Variants in IDUA observed in about 807,000 individuals in gnomAD.
The protein encoded by IDUA is iduronidase alpha-L-.
A neutral mutation model predicts 68.9 loss-of-function variants in IDUA; 65 were observed. The ratio of observed to expected loss-of-function variants is 0.94; its 90% confidence interval spans 0.77 to 1.16. The LOEUF (loss-of-function observed/expected upper bound fraction) is 1.16, where lower values mean the gene tolerates loss of function less well. Ranked by LOEUF, IDUA falls within the 50% of genes most tolerant of loss-of-function variation. The pLI, the probability that IDUA is intolerant of heterozygous loss-of-function variation, is 0.00. For missense variants in IDUA, 1,046 were observed against 938.0 expected (o/e 1.12, Z -1.50); for synonymous variants, 529 against 433.6 (o/e 1.22, Z -2.73).
At chr4:1,003,189 G>A in intron 10 of IDUA, 32 bp downstream of exon 10, 1 of 1,310,938 alleles carries the variant, frequency 7.6e-7, no homozygotes, top group South Asian at 2.1e-5. Context: ...GAGGGGCCGG[G>A]CCGGGCCGGG....
chr4:991,404 G>A (rs752252231), intron 2 of IDUA: 4 of 1,612,862 alleles, frequency 2.5e-6, no homozygotes, highest in Non-Finnish European at 3.4e-6. Context: ...TATAGAGGCT[G>A]TAGATGGGCT....
rs1715156141 is a variant in IDUA, at chr4:1,002,491, C to A, written c.1189+6C>A. The A allele has an allele frequency of 6.5e-7, 1 of 1,527,802 alleles. No homozygotes were observed. The allele number at this position is 1,527,802 out of a possible 1,614,324, so 94.6% of individuals were successfully genotyped here. On this transcript the variant is annotated splice_donor_region_variant and intron_variant, in intron 8 of 13. Coordinates refer to ENST00000514224, the MANE Select transcript of IDUA (RefSeq NM_000203.5). ...GGGGCTGCTGGCGCTGCTGGGTGAG[C>A]CGGGGCCGCTGGGGTGGGCCGGCCA...
At chr4:989,654 C>G (rs1215959134) in intron 2 of IDUA, 1 of 1,576,672 alleles carries the variant, frequency 6.3e-7, no homozygotes, top group Non-Finnish European at 8.6e-7. Flanking sequence ...GGTGCCAGCG[C>G]CAGCAGCACC....
In IDUA at chr4:1,003,637, G is replaced by A. The variant is rs367982520; in HGVS notation, c.1727+12G>A. On this transcript the variant is annotated intron_variant, in intron 12 of 13. Coordinates refer to ENST00000514224, the MANE Select transcript of IDUA (RefSeq NM_000203.5). ...CACGTGGGCTCCAAGTGCGTGAGTG[G>A]GGCCGCCCCTCCCTCTGCCTGGTCC... The A allele has an allele frequency of 4.3e-6, 7 of 1,612,106 alleles. No homozygotes were observed. The highest frequency in any genetic ancestry group is 1.3e-5 in the African/African-American group (1 of 74,912).
intron 1 of IDUA, 95 bp from the exon 2 acceptor site, chr4:987,714 C>T (rs968950760): frequency 2.5e-6 from 4 of 1,574,220 alleles, no homozygotes; most frequent in Admixed American, 1.8e-5. Context: ...CGCCTGGATC[C>T]TGCGCCCGGG....
intron 9 of IDUA, 22 bp from the exon 10 acceptor site, chr4:1,003,014 G>T (rs373823790): frequency 2.5e-4 from 360 of 1,460,274 alleles, no homozygotes; most frequent in Non-Finnish European, 3.1e-4. Context: ...GGGAGCCGAG[G>T]CCTGAGTGTC....
intron 2 of IDUA, chr4:990,368 G>C: frequency 6.3e-7 from 1 of 1,587,720 alleles, no homozygotes; most frequent in Non-Finnish European, 8.6e-7. Flanking sequence ...AGGACCTGTG[G>C]ACGGAGTGCG....
At chr4:987,041 G>C (rs1423083496), upstream of IDUA, 13 of 1,410,370 alleles carry the variant, frequency 9.2e-6, no homozygotes, top group Admixed American at 1.5e-4. Context: ...AGGCGGAACC[G>C]GCAGTGCAGC....
At chr4:998,971 A>G (rs551837586) in intron 2 of IDUA, among the ~76,000 whole-genome samples, 7 of 152,168 alleles carry the variant, frequency 4.6e-5, no homozygotes, top group East Asian at 3.9e-4. Flanking sequence ...TCTGGAAGCC[A>G]AGGTGGGCGG....
At chr4:998,745 C>T (rs779923763) in intron 2 of IDUA, among the ~76,000 whole-genome samples, 63 of 152,104 alleles carry the variant, frequency 4.1e-4, no homozygotes, top group Non-Finnish European at 7.6e-4. Context: ...GCCTAGCTGC[C>T]CAAGCTGAAA....
rs765763734 is a variant in IDUA at position 987,864 on chromosome 4, C to T, written c.214C>T (p.Leu72Phe). The change falls in exon 2 of 14, where the codon CTC becomes TTC. Residue 72 changes from leucine to phenylalanine, a missense_variant. Transcript: ENST00000514224. ...DQYVLSWDQQ[L>F]NLAYVGAVPH... is the part of the protein sequence containing the mutation. Reference sequence around the variant, plus strand: ...GTACGTCCTCAGCTGGGACCAGCAGCTCAACCTCGCCTATGTGGGCGCCGT... The same window carrying T: ...GTACGTCCTCAGCTGGGACCAGCAGTTCAACCTCGCCTATGTGGGCGCCGT... 3 of 1,612,430 alleles carry T rather than the reference C, an allele frequency of 1.9e-6. No individual in the cohort carries two copies. In the East Asian group the frequency reaches 6.7e-5, roughly 36 times the overall value.
At chr4:998,919 C>T (rs560050021) in intron 2 of IDUA, among the ~76,000 whole-genome samples, 1 of 152,210 alleles carries the variant, frequency 6.6e-6, no homozygotes, top group Non-Finnish European at 1.5e-5. Flanking sequence ...CCAGCTCCCA[C>T]CCTGACTCCA....
chr4:997,564 C>T (rs966353407), intron 2 of IDUA, among the ~76,000 whole-genome samples: 1 of 151,720 alleles, frequency 6.6e-6, no homozygotes, highest in Non-Finnish European at 1.5e-5. Flanking sequence ...TGTGCGGCCG[C>T]CGCGGCCCCA....
At position 991,191 on chromosome 4, in the gene IDUA, G is replaced by A. The variant is rs114936403; in HGVS notation, c.299+3242G>A. The A allele has an allele frequency of 2.6e-3, 4,096 of 1,594,616 alleles. 91 individuals carry two copies. In the African/African-American group the frequency reaches 0.043, roughly 17 times the overall value. ...CACGGATGGCGTAGCAGTCACGCCC[G>A]CAGTCCAGCATGGCAGCCGAGCCGT... is the stretch of plus-strand genomic sequence containing the variant. On this transcript the variant is annotated intron_variant, in intron 2 of 13. Coordinates refer to ENST00000514224, the MANE Select transcript of IDUA (RefSeq NM_000203.5).
In IDUA at chr4:991,337, C is replaced by T. The variant is rs374220162; in HGVS notation, c.299+3388C>T. 42 of 1,612,730 alleles carry T rather than the reference C, an allele frequency of 2.6e-5. No homozygotes were observed. Among genetic ancestry groups the T allele is most frequent in the African/African-American group, 1.1e-4 (8 of 74,928 alleles). On this transcript the variant is annotated intron_variant, in intron 2 of 13. Transcript: ENST00000514224. ...AGGCAAAGCAGGCTGAAGATGCCCA[C>T]GGAGACATGCCGTGAGGTGCCCATG...
In IDUA at chr4:990,775, G is replaced by A. The variant is rs1045987556; in HGVS notation, c.299+2826G>A. The A allele has an allele frequency of 1.0e-5, 4 of 384,736 alleles. No homozygotes were observed. In the South Asian group the frequency reaches 1.4e-4, roughly 13 times the overall value. The allele number at this position is 384,736 out of a possible 1,614,324, so 23.8% of individuals were successfully genotyped here. A position where few individuals can be genotyped will look rare whatever the true frequency, so the allele number is the denominator to read the frequency against. On this transcript the variant is annotated intron_variant, in intron 2 of 13. Coordinates refer to ENST00000514224, the MANE Select transcript of IDUA (RefSeq NM_000203.5). Reference sequence around the variant, plus strand: ...GGACAGGCCAAGGCAGGAGACCTTCGGGGGTGGGGAGGCCATCCCCCACTC... The same window carrying A: ...GGACAGGCCAAGGCAGGAGACCTTCAGGGGTGGGGAGGCCATCCCCCACTC...
At chr4:988,129 C>G (rs1025596121) in intron 2 of IDUA, 180 bp downstream of exon 2, 3 of 1,412,054 alleles carry the variant, frequency 2.1e-6, no homozygotes, top group Non-Finnish European at 2.8e-6. Context: ...GGAGGGAGCC[C>G]CTGCATGGGG....
intron 2 of IDUA, among the ~76,000 whole-genome samples, chr4:994,531 G>A (rs1473132067): frequency 6.0e-5 from 9 of 150,716 alleles, no homozygotes; most frequent in East Asian, 3.9e-4. Flanking sequence ...TCTGTCTCCC[G>A]GGTTCAAGTG....
intron 2 of IDUA, chr4:988,639 G>A: frequency 7.2e-7 from 1 of 1,384,236 alleles, no homozygotes. Flanking sequence ...CTTGATTTCT[G>A]AGTGTTTGGG....
Sources: allele counts gnomAD v4.1 joint callset (sites outside exome capture counted in the v4.1 genomes callset), GRCh38; gene constraint gnomAD v4.1.1; transcripts MANE v1.5; gene names NCBI Gene and HGNC (gene_info 2026-07-23, HGNC 2026-07-21).